Variants in CHD5 observed in about 807,000 individuals in gnomAD.
CHD5 encodes ATP-dependent chromatin remodeler CHD5.
In CHD5, 69 loss-of-function variants were observed where a neutral mutation model predicts 230.3. The ratio of observed to expected loss-of-function variants is 0.30; its 90% CI spans 0.25 to 0.37. CHD5 has a LOEUF of 0.37. Ranked by LOEUF, CHD5 falls within the 10% of genes least tolerant of loss-of-function variation. The pLI is 1.00. For missense variants in CHD5, 1,827 were observed against 2,622.8 expected (o/e 0.70, Z 6.63); for synonymous variants, 1,064 against 1,065.9 (o/e 1.00, Z 0.03).
In CHD5 at chr1:6,131,806, T is replaced by G. The variant is rs1666661591; in HGVS notation, c.3145-58A>C. 8.9e-7 allele frequency: 1 copy of G among 1,120,868 alleles called. No homozygotes were observed. The allele number at this position is 1,120,868 out of a possible 1,614,324, so 69.4% of individuals were successfully genotyped here. ...AAGGAGCAAGGGGCCCCATGGGCCA[T>G]GGGCGGGGACCCCGCCACAGGCAGG... is the stretch of plus-strand genomic sequence containing the variant. On this transcript the variant is annotated intron_variant, in intron 20 of 41. Transcript: ENST00000262450. The surrounding 1 kb of genome is among the most constrained non-coding windows in gnomAD (Gnocchi z 5.0).
chr1:6,144,142 C>A lies in CHD5; in HGVS notation c.1816G>T (p.Gly606Trp), dbSNP rs1451298100. 1 of 1,614,182 alleles carries A rather than the reference C, an allele frequency of 6.2e-7. No individual in the cohort carries two copies. Among genetic ancestry groups the A allele is most frequent in the Non-Finnish European group, 8.5e-7 (1 of 1,180,034 alleles). ...CACTTGATCAGGTAGTGCACATCCC[C>A]CTTCTTGTCAAAGCTGCAACACGGT... ...RILNHSFDKK[G>W]DVHYLIKWKD... The change falls in exon 12 of 42, where the codon GGG (glycine) becomes TGG (tryptophan). Residue 606 changes from glycine (G) to tryptophan (W), a missense_variant. Physicochemically the swap from Gly to Trp is radical, Grantham distance 184. Around this residue, in one of 14 missense-constraint regions of CHD5, gnomAD observed 657 missense variants for 816.4 expected, o/e 0.80. Coordinates refer to ENST00000262450, the MANE Select transcript of CHD5 (RefSeq NM_015557.3).
At chr1:6,151,305 C>G in intron 6 of CHD5, 150 bp from the exon 7 acceptor site, 1 of 909,820 alleles carries the variant, frequency 1.1e-6, no homozygotes, top group Non-Finnish European at 1.5e-6. Flanking sequence ...CAGCTGAAAA[C>G]CTCACATTAC....
In CHD5 at chr1:6,168,454, C is replaced by A. The variant is rs535849410; in HGVS notation, c.80-177G>T. 2.9e-4 allele frequency among the ~76,000 whole-genome samples: 44 copies of A among 152,350 alleles called. No individual in the cohort carries two copies. In the South Asian group the frequency reaches 8.7e-3, roughly 30 times the overall value. ...AGAGAACACAGGACAGGAGCCCCAG[C>A]TCTAGGGACTGTGTGACATCACCTC... On this transcript the variant is annotated intron_variant, in intron 1 of 41. Coordinates refer to ENST00000262450, the MANE Select transcript of CHD5 (RefSeq NM_015557.3).
At chr1:6,177,109 G>T (rs1257720646) in intron 1 of CHD5, among the ~76,000 whole-genome samples, 1 of 152,192 alleles carries the variant, frequency 6.6e-6, no homozygotes, top group Non-Finnish European at 1.5e-5. Flanking sequence ...AAAGAAAAAA[G>T]ATCGGACAAG....
intron 5 of CHD5, 35 bp from the exon 6 acceptor site, chr1:6,152,571 C>T (rs199716719): frequency 1.2e-6 from 2 of 1,611,936 alleles, no homozygotes; most frequent in Non-Finnish European, 8.5e-7. Flanking sequence ...CAACCACTGC[C>T]ACCACTGACG....
rs1405965711 is a variant in CHD5 at position 6,126,204 on chromosome 1, G to A, written c.4079-346C>T. Among the ~76,000 whole-genome samples the A allele has an allele frequency of 6.6e-6, 1 of 152,094 alleles. No homozygotes were observed. Among genetic ancestry groups the A allele is most frequent in the African/African-American group, 2.4e-5 (1 of 41,384 alleles). ...CCAGTCCCCTTTCCTCCAAAAAGCT[G>A]CCTCCCAGCTCCAACCAGCGCCGCC... On this transcript the variant is annotated intron_variant, in intron 26 of 41. Coordinates refer to ENST00000262450, the MANE Select transcript of CHD5 (RefSeq NM_015557.3). The surrounding 1 kb of genome is among the most constrained non-coding windows in gnomAD (Gnocchi z 5.7).
intron 33 of CHD5, chr1:6,113,200 G>A: frequency 1.8e-6 from 1 of 559,746 alleles, no homozygotes; most frequent in Non-Finnish European, 3.2e-6. Context: ...GAGGCAGGAG[G>A]ATCACTTCAG....
rs1029973130 is a variant in CHD5, at chr1:6,120,957, C to G, written c.4912+148G>C. ...GTATAGAGGCCTGAGCTCCTGGCCT[C>G]CCCTCACCAGGGGGCCTGCAGAGGG... is the stretch of plus-strand genomic sequence containing the variant. On this transcript the variant is annotated intron_variant, in intron 33 of 41. Coordinates refer to ENST00000262450, the MANE Select transcript of CHD5 (RefSeq NM_015557.3). The G allele has an allele frequency of 5.4e-6, 5 of 930,258 alleles. No homozygotes were observed. The African/African-American group carries it at 8.6e-5, about 16-fold the overall frequency. 57.6% of individuals were successfully genotyped at this position (930,258 alleles called of 1,614,324 possible).
chr1:6,168,603 C>A (rs1571172597), intron 1 of CHD5, among the ~76,000 whole-genome samples: 2 of 152,334 alleles, frequency 1.3e-5, no homozygotes, highest in East Asian at 1.9e-4. Context: ...GCCATCACTG[C>A]CGGAGAAACG....
chr1:6,140,182 C>A (rs939427633), intron 15 of CHD5, among the ~76,000 whole-genome samples: 7 of 152,022 alleles, frequency 4.6e-5, no homozygotes, highest in African/African-American at 1.7e-4. Flanking sequence ...GTGGGCGGAT[C>A]ATGAGGTCAA....
chr1:6,127,167 G>A (rs11810598), intron 25 of CHD5: 7,533 of 187,000 alleles, frequency 0.04, 605 homozygotes, highest in African/African-American at 0.17. Flanking sequence ...GGGGACAGCT[G>A]GGGTTTGCCC....
intron 1 of CHD5, among the ~76,000 whole-genome samples, chr1:6,179,705 C>T (rs1667483387): frequency 1.4e-5 from 2 of 146,556 alleles, no homozygotes; most frequent in Admixed American, 6.7e-5. Context: ...CGTCGCCGCC[C>T]GGGGGGCCCG....
At position 6,102,571 on chromosome 1, in the gene CHD5, C is replaced by A. The variant is rs1666083253; in HGVS notation, c.*2903G>T. On this transcript the variant is annotated 3_prime_UTR_variant, in exon 42 of 42. Transcript: ENST00000262450. ...CTTCTGGCTCCCATGTACCCGAGCCCACTCTCCACTCCACCTCCTTGGGCC... is the reference window on the plus strand; with the variant it reads ...CTTCTGGCTCCCATGTACCCGAGCCAACTCTCCACTCCACCTCCTTGGGCC... 1 of 152,330 alleles carries A rather than the reference C, an allele frequency of 6.6e-6. No individual in the cohort carries two copies. The highest frequency in any genetic ancestry group is 1.5e-5 in the Non-Finnish European group (1 of 68,084). 9.4% of individuals were successfully genotyped at this position (152,330 alleles called of 1,614,324 possible). A position where few individuals can be genotyped will look rare whatever the true frequency, so the allele number is the denominator to read the frequency against.
chr1:6,168,421 G>C, intron 1 of CHD5, 144 bp from the exon 2 acceptor site: 1 of 939,744 alleles, frequency 1.1e-6, no homozygotes, highest in Non-Finnish European at 1.6e-6. Flanking sequence ...CCCAAACCCA[G>C]TGAAGTGAGA....
chr1:6,143,649 G>C (rs530156289), intron 13 of CHD5, among the ~76,000 whole-genome samples, 174 bp downstream of exon 13: 1 of 152,304 alleles, frequency 6.6e-6, no homozygotes, highest in African/African-American at 2.4e-5. Context: ...GTCAGCTGCA[G>C]TGTTATGAGG....
chr1:6,133,980 G>A lies in CHD5; in HGVS notation c.3144+148C>T, dbSNP rs148765847. On this transcript the variant is annotated intron_variant, in intron 20 of 41. Coordinates refer to ENST00000262450, the MANE Select transcript of CHD5 (RefSeq NM_015557.3). ...AGCCGCATTATGCCAGGGCACGGGG[G>A]AGTGACCCCTGACACACAGTCACAT... 2.2e-4 allele frequency: 161 copies of A among 732,154 alleles called. No individual in the cohort carries two copies. In the East Asian group the frequency reaches 4.0e-3, roughly 18 times the overall value. The allele number at this position is 732,154 out of a possible 1,614,324, so 45.4% of individuals were successfully genotyped here.
Position 6,106,575 on chromosome 1 carries a change from C to T in CHD5, c.5742+41G>A, listed in dbSNP as rs374630895. The T allele has an allele frequency of 2.0e-3, 3,140 of 1,550,378 alleles. 5 individuals are homozygous for T. The highest frequency in any genetic ancestry group is 2.5e-3 in the Non-Finnish European group (2,872 of 1,147,096). Reference sequence around the variant, plus strand: ...CCCACCCAGCCTCCACCCAGGGGCACGCCAGGGGGCTCGGGCCGGGGCACA... The same window carrying T: ...CCCACCCAGCCTCCACCCAGGGGCATGCCAGGGGGCTCGGGCCGGGGCACA... On this transcript the variant is annotated intron_variant, in intron 39 of 41. Transcript: ENST00000262450.
chr1:6,112,691 C>T (rs926901616), intron 34 of CHD5, among the ~76,000 whole-genome samples: 7 of 152,220 alleles, frequency 4.6e-5, no homozygotes, highest in Admixed American at 2.6e-4. Flanking sequence ...TCTCTCTTAG[C>T]GGCAAGGGCA....
Position 6,154,047 on chromosome 1 carries a change from G to T in CHD5, c.745+613C>A, listed in dbSNP as rs1304893105. Reference sequence around the variant, plus strand: ...GCCACTGAGGCAGAATTTGGATCTCGATCTCCTTCCAGGCCTGTCCCAGAA... The same window carrying T: ...GCCACTGAGGCAGAATTTGGATCTCTATCTCCTTCCAGGCCTGTCCCAGAA... On this transcript the variant is annotated intron_variant, in intron 5 of 41. Coordinates refer to ENST00000262450, the MANE Select transcript of CHD5 (RefSeq NM_015557.3). This position sits in a 1 kb window ranked among gnomAD's most constrained non-coding sequence, Gnocchi z 7.0. 6.6e-6 allele frequency among the ~76,000 whole-genome samples: 1 copy of T among 152,018 alleles called. No homozygotes were observed. The highest frequency in any genetic ancestry group is 2.4e-5 in the African/African-American group (1 of 41,378).
Sources: allele counts gnomAD v4.1 joint callset (sites outside exome capture counted in the v4.1 genomes callset), GRCh38; gene constraint gnomAD v4.1.1; regional missense constraint gnomAD v4.1.1; non-coding constraint Gnocchi (gnomAD v3.1); transcripts MANE v1.5; gene names NCBI Gene and HGNC (gene_info 2026-07-23, HGNC 2026-07-21).